Variants in KCNMB2 observed in about 807,000 individuals in gnomAD.
KCNMB2 encodes the protein calcium-activated potassium channel subunit beta-2.
A neutral mutation model predicts 24.5 loss-of-function variants in KCNMB2; 9 were observed. That is an observed-to-expected ratio of 0.37 (90% CI 0.22 to 0.64). The LOEUF (loss-of-function observed/expected upper bound fraction) is 0.64. Among genes scored for constraint, KCNMB2 ranks in the 30% least tolerant of loss-of-function variants. The pLI, the probability that KCNMB2 is intolerant of heterozygous loss-of-function variation, is 0.63. For synonymous variants in KCNMB2, 109 were observed against 104.4 expected (o/e 1.04, Z -0.27); for missense variants, 226 against 284.3 (o/e 0.79, Z 1.47).
Position 178,842,698 on chromosome 3 carries a change from T to A in KCNMB2, c.469T>A (p.Ser157Thr), listed in dbSNP as rs1337742823. ...KCGKNFEESM[S>T]LVNVVMENFR... ...TGGAAAAAATTTTGAAGAATCCATGTCCCTGGTGAATGTTGTCATGGAAAA... is the reference window on the plus strand; with the variant it reads ...TGGAAAAAATTTTGAAGAATCCATGACCCTGGTGAATGTTGTCATGGAAAA... Residue 157 changes from serine to threonine, a missense_variant, in exon 5 of 5, where the codon TCC (serine) becomes ACC (threonine). Coordinates refer to ENST00000452583, the MANE Select transcript of KCNMB2 (RefSeq NM_181361.3). 6.2e-7 allele frequency: 1 copy of A among 1,613,024 alleles called. No individual in the cohort carries two copies. Among genetic ancestry groups the A allele is most frequent in the South Asian group, 1.1e-5 (1 of 91,050 alleles).
chr3:178,801,589 G>A (rs773576920), intron 1 of KCNMB2, among the ~76,000 whole-genome samples: 1 of 152,136 alleles, frequency 6.6e-6, no homozygotes, highest in Non-Finnish European at 1.5e-5. Flanking sequence ...CATTTAAGGG[G>A]TAGTTAGAGA....
intron 1 of KCNMB2, among the ~76,000 whole-genome samples, chr3:178,560,701 C>T (rs188089846): frequency 6.6e-6 from 1 of 152,360 alleles, no homozygotes; most frequent in African/African-American, 2.4e-5. Context: ...AGATTTTAAA[C>T]ATTAGCTAAC....
intron 1 of KCNMB2, among the ~76,000 whole-genome samples, chr3:178,604,131 C>G (rs780301719): frequency 2.2e-4 from 33 of 152,108 alleles, no homozygotes; most frequent in African/African-American, 2.9e-4. Flanking sequence ...CCACCTCCCC[C>G]CAGTACTCTC....
At chr3:178,812,484 G>A (rs73051701) in intron 2 of KCNMB2, among the ~76,000 whole-genome samples, 4,021 of 147,076 alleles carry the variant, frequency 0.027, 184 homozygotes, top group African/African-American at 0.095. Flanking sequence ...GAGAACATGC[G>A]GTGTTTGGTA....
At chr3:178,735,503 C>A (rs1417374433) in intron 1 of KCNMB2, among the ~76,000 whole-genome samples, 1 of 152,188 alleles carries the variant, frequency 6.6e-6, no homozygotes, top group Non-Finnish European at 1.5e-5. Flanking sequence ...GGGTTGAGAG[C>A]CCAGTTTTGG....
At chr3:178,673,901 A>G (rs75263824) in intron 1 of KCNMB2, among the ~76,000 whole-genome samples, 1,817 of 152,234 alleles carry the variant, frequency 0.012, 33 homozygotes, top group African/African-American at 0.041. Flanking sequence ...TCTTAAATTC[A>G]TTTCAATTAG....
At position 178,825,592 on chromosome 3, in the gene KCNMB2, A is replaced by G. The variant is rs75527482; in HGVS notation, c.61A>G (p.Ile21Val). 1.1e-4 allele frequency: 180 copies of G among 1,612,040 alleles called. 1 individual carries two copies. The East Asian group carries it at 3.9e-3, about 35-fold the overall frequency. ...CCATATTGTTTTTAACCTCAGAAAT[A>G]TTTACCAGAAAATCAGGGACCATGA... ...SSYRHDEKRN[I>V]YQKIRDHDLL... The change falls in exon 3 of 5, where the codon ATT becomes GTT. Residue 21 changes from isoleucine (I) to valine (V), a missense_variant. Ile to Val is a conservative substitution (Grantham distance 29). Transcript: ENST00000452583.
chr3:178,566,067 C>A (rs542464047), intron 1 of KCNMB2, among the ~76,000 whole-genome samples: 2 of 152,204 alleles, frequency 1.3e-5, no homozygotes, highest in Middle Eastern at 3.4e-3. Context: ...ACTGAAGCAC[C>A]CAAAGATGGT....
intron 1 of KCNMB2, among the ~76,000 whole-genome samples, chr3:178,543,491 A>C (rs1365734600): frequency 6.6e-6 from 1 of 152,216 alleles, no homozygotes; most frequent in Non-Finnish European, 1.5e-5. Flanking sequence ...AATTAACCTC[A>C]TCAGTTACTC....
chr3:178,731,290 A>C (rs933190491), intron 1 of KCNMB2, among the ~76,000 whole-genome samples: 2 of 152,206 alleles, frequency 1.3e-5, no homozygotes, highest in African/African-American at 4.8e-5. Context: ...TTTCTCTAAT[A>C]TAAAAGGATT....
chr3:178,753,195 G>A (rs1043637897), intron 1 of KCNMB2, among the ~76,000 whole-genome samples: 5 of 152,186 alleles, frequency 3.3e-5, no homozygotes, highest in Admixed American at 6.5e-5. Context: ...TGTAGTAACC[G>A]TAGTAATGAC....
chr3:178,650,998 T>C lies in KCNMB2; in HGVS notation c.-68+114287T>C, dbSNP rs374551497. The stretch of plus-strand genomic sequence containing the variant: ...GGAAGCATTCCCTTTGAAAAACAGA[T>C]CAAGACAACGATGCCCTCTCTCACC... On this transcript the variant is annotated intron_variant, in intron 1 of 4. Transcript: ENST00000452583. Among the ~76,000 whole-genome samples the C allele has an allele frequency of 2.8e-4, 43 of 152,170 alleles. 1 individual carries two copies. The South Asian group carries it at 8.7e-3, about 31-fold the overall frequency.
intron 1 of KCNMB2, among the ~76,000 whole-genome samples, chr3:178,768,049 C>T (rs1369855117): frequency 2.0e-5 from 3 of 151,882 alleles, no homozygotes; most frequent in East Asian, 1.9e-4. Flanking sequence ...AAGATATCTT[C>T]CCCCACTACC....
rs964730328 is a variant in KCNMB2 at position 178,843,060 on chromosome 3, G to A, written c.*123G>A. 1.3e-6 allele frequency: 1 copy of A among 775,022 alleles called. No homozygotes were observed. Among genetic ancestry groups the A allele is most frequent in the African/African-American group, 1.7e-5 (1 of 57,270 alleles). 48.0% of individuals were successfully genotyped at this position (775,022 alleles called of 1,614,324 possible). On this transcript the variant is annotated 3_prime_UTR_variant, in exon 5 of 5. Coordinates refer to ENST00000452583, the MANE Select transcript of KCNMB2 (RefSeq NM_181361.3). ...TGAGTTCCCTAATATATTCTTATAT[G>A]TAGAGCAATAATGCAAAAGCTGTTC...
At chr3:178,623,465 C>T (rs1577055984) in intron 1 of KCNMB2, among the ~76,000 whole-genome samples, 3 of 152,142 alleles carry the variant, frequency 2.0e-5, no homozygotes, top group African/African-American at 7.2e-5. Flanking sequence ...TGACAGTGAA[C>T]AAGCCAGGAA....
intron 1 of KCNMB2, among the ~76,000 whole-genome samples, chr3:178,783,693 C>G (rs1017611150): frequency 6.6e-6 from 1 of 151,722 alleles, no homozygotes; most frequent in Non-Finnish European, 1.5e-5. Context: ...AGATTTGGGG[C>G]TGAGACAATG....
At chr3:178,657,424 A>G (rs1244948471) in intron 1 of KCNMB2, among the ~76,000 whole-genome samples, 1 of 152,186 alleles carries the variant, frequency 6.6e-6, no homozygotes, top group African/African-American at 2.4e-5. Context: ...CTCTAAACCT[A>G]TGTGACCTTG....
intron 1 of KCNMB2, among the ~76,000 whole-genome samples, chr3:178,570,790 A>G (rs1716749777): frequency 6.6e-6 from 1 of 152,186 alleles, no homozygotes; most frequent in African/African-American, 2.4e-5. Context: ...AATGGGGGTA[A>G]TAGGTAATAT....
rs138432179 is a variant in KCNMB2 at position 178,611,539 on chromosome 3, C to T, written c.-68+74828C>T. Among the ~76,000 whole-genome samples, 1,285 of 152,186 alleles carry T rather than the reference C, an allele frequency of 8.4e-3. 16 individuals are homozygous for T. The highest frequency in any genetic ancestry group is 0.03 in the African/African-American group (1,250 of 41,524). On this transcript the variant is annotated intron_variant, in intron 1 of 4. Coordinates refer to ENST00000452583, the MANE Select transcript of KCNMB2 (RefSeq NM_181361.3). ...CCAACATGATGAAACCCCGTCTCTA[C>T]TAAAAATACAAAAATATTAGCTGGA...
Sources: allele counts gnomAD v4.1 joint callset (sites outside exome capture counted in the v4.1 genomes callset), GRCh38; gene constraint gnomAD v4.1.1; transcripts MANE v1.5; gene names NCBI Gene and HGNC (gene_info 2026-07-23, HGNC 2026-07-21).